YIF1B: variants seen among roughly 807,000 people sequenced by gnomAD.
YIF1B encodes Yip1 interacting factor homolog B, membrane trafficking protein, also known as protein YIF1B.
A neutral mutation model predicts 34.6 loss-of-function variants in YIF1B; 24 were observed. The observed-to-expected ratio is 0.69, with a 90% confidence interval of 0.50 to 0.98. The LOEUF (loss-of-function observed/expected upper bound fraction) is 0.98, where lower values mean the gene tolerates loss of function less well. Among genes scored for constraint, YIF1B ranks in the 50% least tolerant of loss-of-function variants. The pLI, the probability that YIF1B is intolerant of heterozygous loss-of-function variation, is 0.00. For missense variants in YIF1B, 368 were observed against 429.4 expected, an observed-to-expected ratio of 0.86 and a Z score of 1.26; for synonymous variants, 186 against 184.8, an observed-to-expected ratio of 1.01 and a Z score of -0.05.
intron 5 of YIF1B, 73 bp from the exon 6 acceptor site, chr19:38,307,825 C>CT: frequency 6.4e-7 from 1 of 1,571,310 alleles, no homozygotes; most frequent in African/African-American, 1.3e-5. Flanking sequence ...CTGGGGACAG[C>CT]TCTGTGTTGG....
chr19:38,319,820 T>C (rs1411751820), upstream of YIF1B: 4 of 952,772 alleles, frequency 4.2e-6, no homozygotes, highest in Admixed American at 4.3e-5. Context: ...CTCCCCTTTT[T>C]CCTCTTCCTC....
rs1400373609 is a variant in YIF1B, at chr19:38,304,822, C to T, written c.*530G>A. 1.8e-5 allele frequency: 29 copies of T among 1,613,664 alleles called. No individual in the cohort carries two copies. Among genetic ancestry groups the T allele is most frequent in the Non-Finnish European group, 2.4e-5 (28 of 1,179,970 alleles). On this transcript the variant is annotated 3_prime_UTR_variant, in exon 8 of 8. Coordinates refer to ENST00000339413, the MANE Select transcript of YIF1B (RefSeq NM_001039672.3). Reference sequence around the variant, plus strand: ...CAGCCCAGAACCATCTCTTCTCTCCCATCCCTGCCCTCGGCCCCACAGTCC... The same window carrying T: ...CAGCCCAGAACCATCTCTTCTCTCCTATCCCTGCCCTCGGCCCCACAGTCC...
At chr19:38,318,216 A>G (rs1394308875), upstream of YIF1B, among the ~76,000 whole-genome samples, 2 of 150,922 alleles carry the variant, frequency 1.3e-5, no homozygotes, top group African/African-American at 4.9e-5. Context: ...AAAAAAAAAA[A>G]AAAAGCAAGT....
intron 7 of YIF1B, among the ~76,000 whole-genome samples, chr19:38,305,975 G>A (rs560972719): frequency 5.3e-5 from 8 of 152,094 alleles, no homozygotes; most frequent in Non-Finnish European, 2.9e-5. Context: ...AAGCCAAGGC[G>A]GGCGGATCAC....
chr19:38,321,319 T>C (rs1815197792), upstream of YIF1B, among the ~76,000 whole-genome samples: 1 of 152,196 alleles, frequency 6.6e-6, no homozygotes, highest in Admixed American at 6.5e-5. Flanking sequence ...CAGGCAACTC[T>C]GACCCCAGAC....
intron 1 of YIF1B, among the ~76,000 whole-genome samples, chr19:38,310,734 G>A (rs534687898): frequency 1.3e-5 from 2 of 152,128 alleles, no homozygotes; most frequent in South Asian, 4.2e-4. Context: ...CCAGGAAGGT[G>A]CCTGCCTCAA....
At chr19:38,315,723 C>T (rs753332711) in intron 1 of YIF1B, 137 bp downstream of exon 1, 2 of 1,609,860 alleles carry the variant, frequency 1.2e-6, no homozygotes, top group Admixed American at 3.4e-5. Context: ...CTACCCGAAC[C>T]TGGCATCCCA....
rs1227380569 is a variant in YIF1B, at chr19:38,309,842, A to G, written c.59-199T>C. On this transcript the variant is annotated intron_variant, in intron 1 of 7. Transcript: ENST00000339413. ...CACCAACCCACCCATCTAGCCAACTATCCATCCACTGATACATTCATCTAT... is the reference window on the plus strand; with the variant it reads ...CACCAACCCACCCATCTAGCCAACTGTCCATCCACTGATACATTCATCTAT... 4.2e-6 allele frequency: 6 copies of G among 1,427,568 alleles called. No individual in the cohort carries two copies. In the African/African-American group the frequency reaches 4.3e-5, roughly 10 times the overall value. The allele number at this position is 1,427,568 out of a possible 1,614,324, so 88.4% of individuals were successfully genotyped here.
At position 38,307,713 on chromosome 19, in the gene YIF1B, G is replaced by A. The variant is rs755710469; in HGVS notation, c.579C>T (p.Ala193=). The A allele has an allele frequency of 6.8e-6, 11 of 1,613,278 alleles. No individual in the cohort carries two copies. The Admixed American group carries it at 1.3e-4, about 20-fold the overall frequency. The change falls in exon 6 of 8, where the codon GCC becomes GCT. Residue 193 remains alanine, a synonymous_variant. Transcript: ENST00000339413. The stretch of plus-strand genomic sequence containing the variant: ...GCACCTCCAGGGTCAGCCAGGCCAG[G>A]GCTGAGCTCGCTTGCAGCCCCAGGA... ...PDLLGLQASS[A]LAWLTLEVLA...
At chr19:38,306,332 C>T (rs1969033912) in intron 7 of YIF1B, among the ~76,000 whole-genome samples, 1 of 152,052 alleles carries the variant, frequency 6.6e-6, no homozygotes, top group South Asian at 2.1e-4. Context: ...CCACCTCAGC[C>T]TCCTGAGTAG....
At chr19:38,308,910 GCACC>G (rs1969181936) in intron 4 of YIF1B, 61 bp from the exon 5 acceptor site, 1 of 1,613,332 alleles carries the variant, frequency 6.2e-7, no homozygotes, top group South Asian at 1.1e-5. Flanking sequence ...GGGCCTCCAG[GCACC>G]CACACACCCG....
chr19:38,313,416 G>A (rs954917439), intron 1 of YIF1B, among the ~76,000 whole-genome samples: 7 of 151,870 alleles, frequency 4.6e-5, no homozygotes, highest in South Asian at 2.1e-4. Context: ...CCACCACCAC[G>A]CCCGGCTAAT....
chr19:38,304,581 G>A lies in YIF1B; in HGVS notation c.*771C>T. On this transcript the variant is annotated 3_prime_UTR_variant, in exon 8 of 8. Coordinates refer to ENST00000339413, the MANE Select transcript of YIF1B (RefSeq NM_001039672.3). Reference sequence around the variant, plus strand: ...CTGCCTTAGGCCTCCAACTTCAGGGGGCTGGGTAAGGGGCGCCGCCTCACT... The same window carrying A: ...CTGCCTTAGGCCTCCAACTTCAGGGAGCTGGGTAAGGGGCGCCGCCTCACT... The A allele has an allele frequency of 6.2e-7, 1 of 1,611,482 alleles. No individual in the cohort carries two copies. The highest frequency in any genetic ancestry group is 8.5e-7 in the Non-Finnish European group (1 of 1,179,246).
rs1427161975 is a variant in YIF1B, at chr19:38,307,464, C to A, written c.753G>T (p.Val251=). The change falls in exon 7 of 8, where the codon GTG becomes GTT. Residue 251 remains valine, a synonymous_variant. Coordinates refer to ENST00000339413, the MANE Select transcript of YIF1B (RefSeq NM_001039672.3). ...AGATGGCTACGCAGCACCAGCCCAG[C>A]ACCAGGTAGTAGCCAATCTTCCCGA... ...LLFGKIGYYL[V]LGWCCVAIFV... is the part of the protein sequence containing the mutation. The A allele has an allele frequency of 1.2e-6, 2 of 1,613,760 alleles. No homozygotes were observed. The highest frequency in any genetic ancestry group is 2.7e-5 in the African/African-American group (2 of 74,890).
rs955376042 is a variant in YIF1B, at chr19:38,305,169, G to A, written c.*183C>T. ...AACAGCGGCCACGCCCTGGGGCGGT[G>A]GCCTGTGCAGCTGGAGATCTCTCAG... On this transcript the variant is annotated 3_prime_UTR_variant, in exon 8 of 8. Coordinates refer to ENST00000339413, the MANE Select transcript of YIF1B (RefSeq NM_001039672.3). 2.9e-6 allele frequency: 4 copies of A among 1,382,676 alleles called. No homozygotes were observed. In the African/African-American group the frequency reaches 4.4e-5, roughly 15 times the overall value. 85.7% of individuals were successfully genotyped at this position (1,382,676 alleles called of 1,614,324 possible).
At chr19:38,309,148 T>TCCACCATGCACCTGCCC in intron 3 of YIF1B, 76 bp downstream of exon 3, 1 of 1,579,424 alleles carries the variant, frequency 6.3e-7, no homozygotes, top group Non-Finnish European at 8.6e-7. Flanking sequence ...ATCTCCCGGC[T>TCCACCATGCACCTGCCC]CCACCATGCA....
chr19:38,315,770 T>C (rs371054142), intron 1 of YIF1B, 90 bp downstream of exon 1: 1 of 1,599,350 alleles, frequency 6.3e-7, no homozygotes, highest in Non-Finnish European at 8.5e-7. Flanking sequence ...ATCCTTGATC[T>C]CGTGACCTCT....
chr19:38,317,890 ATATT>A (rs1420929596), upstream of YIF1B, among the ~76,000 whole-genome samples: 3 of 151,748 alleles, frequency 2.0e-5, no homozygotes, highest in Admixed American at 6.6e-5. Flanking sequence ...TTATGTATAT[ATATT>A]TAATTAATAA....
Position 38,309,577 on chromosome 19 carries a change from G to T in YIF1B, c.125C>A (p.Thr42Lys). 6.3e-7 allele frequency: 1 copy of T among 1,598,906 alleles called. No individual in the cohort carries two copies. The highest frequency in any genetic ancestry group is 8.5e-7 in the Non-Finnish European group (1 of 1,173,186). Residue 42 changes from threonine to lysine, a missense_variant, in exon 2 of 8, where the codon ACA (threonine) becomes AAA (lysine). This residue lies in a region of YIF1B where 153 missense variants were observed against 156.7 expected (regional missense o/e 0.98). Transcript: ENST00000339413. ...ATAGCCCCGGCTCTGGGCTGAACTT[G>T]TGTCATCGAAAAGCTGGTGGGGGTC... Reference protein sequence around the residue: ...MADPHQLFDDTSSAQSRGYGA... With the variant: ...MADPHQLFDDKSSAQSRGYGA...
Sources: gnomAD v4.1 joint callset for allele counts (sites outside exome capture counted in the v4.1 genomes callset) on GRCh38, gnomAD v4.1.1 for gene constraint, gnomAD v4.1.1 regional missense constraint, MANE v1.5 for transcripts, NCBI Gene and HGNC (gene_info 2026-07-23, HGNC 2026-07-21) for gene names.